Variants in RYR2 observed in about 807,000 individuals in gnomAD.
The protein encoded by RYR2 is cardiac muscle ryanodine receptor-calcium release channel.
A neutral mutation model predicts 601.1 loss-of-function variants in RYR2; 227 were observed. The observed-to-expected ratio is 0.38, with a 90% confidence interval of 0.34 to 0.42. RYR2 has a LOEUF of 0.42. RYR2 is among the 10% of genes least tolerant of loss of function. RYR2 has a pLI of 1.00. For synonymous variants in RYR2, 2,223 were observed against 2,175.1 expected (o/e 1.02, Z -0.61); for missense variants, 4,646 against 6,156.5 (o/e 0.75, Z 8.21).
rs187871385 is a variant in RYR2, at chr1:237,393,250, A to C, written c.773+5067A>C. Among the ~76,000 whole-genome samples, 378 of 152,274 alleles carry C rather than the reference A, an allele frequency of 2.5e-3. 4 individuals are homozygous for C. Among genetic ancestry groups the C allele is most frequent in the African/African-American group, 8.6e-3 (359 of 41,544 alleles). On this transcript the variant is annotated intron_variant, in intron 10 of 104. Coordinates refer to ENST00000366574, the MANE Select transcript of RYR2 (RefSeq NM_001035.3). ...CAGGCCAATTAAGTCATAGTTTCTG[A>C]CAGTATCTGGAAATAAATGCTACAT...
chr1:237,578,062 G>A (rs1179218189), intron 29 of RYR2, among the ~76,000 whole-genome samples: 1 of 152,090 alleles, frequency 6.6e-6, no homozygotes, highest in Non-Finnish European at 1.5e-5. Flanking sequence ...TGCCTGCTGT[G>A]GCCTCCCAAA....
At chr1:237,585,720 A>C (rs1342671181) in intron 29 of RYR2, among the ~76,000 whole-genome samples, 2 of 152,232 alleles carry the variant, frequency 1.3e-5, no homozygotes, top group East Asian at 3.8e-4. Context: ...GCTTCACTTA[A>C]AATGAGAAAA....
intron 1 of RYR2, among the ~76,000 whole-genome samples, chr1:237,248,692 T>C (rs1187042335): frequency 6.6e-6 from 1 of 151,022 alleles, no homozygotes; most frequent in Non-Finnish European, 1.5e-5. Flanking sequence ...TACTGAGAGG[T>C]TTTTTAAAGA....
intron 2 of RYR2, among the ~76,000 whole-genome samples, chr1:237,313,222 A>T (rs1250521747): frequency 6.7e-6 from 1 of 150,314 alleles, no homozygotes; most frequent in Non-Finnish European, 1.5e-5. Context: ...ATATTTGCTT[A>T]TGGAGTATGT....
At chr1:237,619,321 A>T (rs1036191527) in intron 38 of RYR2, among the ~76,000 whole-genome samples, 1 of 152,226 alleles carries the variant, frequency 6.6e-6, no homozygotes, top group African/African-American at 2.4e-5. Flanking sequence ...GCAGAGAAAC[A>T]AAATATATGG....
At position 237,139,899 on chromosome 1, in the gene RYR2, T is replaced by C. The variant is rs377510798; in HGVS notation, c.48+97330T>C. On this transcript the variant is annotated intron_variant, in intron 1 of 104. Coordinates refer to ENST00000366574, the MANE Select transcript of RYR2 (RefSeq NM_001035.3). Reference sequence around the variant, plus strand: ...GTCTGGCAGGCAGTGCTGTGTGACGTGCTAGCTCACAACGTGTGTGCAGAG... The same window carrying C: ...GTCTGGCAGGCAGTGCTGTGTGACGCGCTAGCTCACAACGTGTGTGCAGAG... 4.6e-5 allele frequency among the ~76,000 whole-genome samples: 7 copies of C among 152,366 alleles called. No homozygotes were observed. The South Asian group carries it at 6.2e-4, about 14-fold the overall frequency.
chr1:237,709,592 C>T, intron 70 of RYR2, 25 bp downstream of exon 70: 1 of 1,483,928 alleles, frequency 6.7e-7, no homozygotes, highest in South Asian at 1.2e-5. Flanking sequence ...ATTGATAGAT[C>T]ACGCCTACTG....
At chr1:237,264,091 G>GCA (rs34623856) in intron 1 of RYR2, among the ~76,000 whole-genome samples, 51,963 of 147,258 alleles carry the variant, frequency 0.35, 10,427 homozygotes, top group Admixed American at 0.46. Flanking sequence ...ACATGCACAT[G>GCA]CACACACACA....
At chr1:237,177,350 G>C (rs944206689) in intron 1 of RYR2, among the ~76,000 whole-genome samples, 19 of 152,096 alleles carry the variant, frequency 1.2e-4, no homozygotes, top group African/African-American at 3.6e-4. Context: ...AAATGTAAGA[G>C]CACACTTCCC....
chr1:237,367,583 T>C (rs943542643), intron 5 of RYR2, among the ~76,000 whole-genome samples: 1 of 133,780 alleles, frequency 7.5e-6, no homozygotes, highest in Non-Finnish European at 1.6e-5. Flanking sequence ...CTTTCTGTAC[T>C]TCTTAAGGCA....
chr1:237,164,520 G>A (rs1439340768), intron 1 of RYR2, among the ~76,000 whole-genome samples: 1 of 152,108 alleles, frequency 6.6e-6, no homozygotes, highest in South Asian at 2.1e-4. Context: ...GCAGAGACAG[G>A]CGACAAATAA....
chr1:237,376,927 C>CAA (rs1701083637), intron 7 of RYR2, among the ~76,000 whole-genome samples: 1 of 152,052 alleles, frequency 6.6e-6, no homozygotes, highest in African/African-American at 2.4e-5. Flanking sequence ...TGTCACGTCA[C>CAA]AAAACCCCAA....
At position 237,700,453 on chromosome 1, in the gene RYR2, G is replaced by C. The variant is rs1294136618; in HGVS notation, c.9353G>C (p.Gly3118Ala). The C allele has an allele frequency of 1.9e-6, 3 of 1,557,526 alleles. No individual in the cohort carries two copies. Among genetic ancestry groups the C allele is most frequent in the East Asian group, 4.5e-5 (2 of 44,494 alleles). Residue 3118 changes from glycine to alanine, a missense_variant, in exon 65 of 105, where the codon GGA becomes GCA. By Grantham distance (60) the Gly-to-Ala change is moderately conservative. Coordinates refer to ENST00000366574, the MANE Select transcript of RYR2 (RefSeq NM_001035.3). Reference sequence around the variant, plus strand: ...GAACATATTGGCCAGCATCAGTTCGGAGAAGACCTAATATGTATGTAAATT... The same window carrying C: ...GAACATATTGGCCAGCATCAGTTCGCAGAAGACCTAATATGTATGTAAATT... ...LFEHIGQHQFGEDLILEDVQV... is the reference protein window; with the variant it reads ...LFEHIGQHQFAEDLILEDVQV...
chr1:237,613,918 C>A, intron 36 of RYR2, 121 bp from the exon 37 acceptor site: 1 of 827,116 alleles, frequency 1.2e-6, no homozygotes, highest in Non-Finnish European at 1.9e-6. Context: ...GTTCAACCTG[C>A]AGTGTCTATT....
At chr1:237,281,034 C>T (rs1690807195) in intron 2 of RYR2, among the ~76,000 whole-genome samples, 2 of 152,294 alleles carry the variant, frequency 1.3e-5, no homozygotes, top group Non-Finnish European at 2.9e-5. Context: ...ATCCGCCTGC[C>T]TCAGCCTCCC....
At chr1:237,155,826 C>T (rs1675267913) in intron 1 of RYR2, among the ~76,000 whole-genome samples, 1 of 152,146 alleles carries the variant, frequency 6.6e-6, no homozygotes, top group Non-Finnish European at 1.5e-5. Context: ...TTACCATCAC[C>T]ATGGCATTGA....
At chr1:237,745,086 C>T (rs1410761752) in intron 80 of RYR2, among the ~76,000 whole-genome samples, 1 of 152,080 alleles carries the variant, frequency 6.6e-6, no homozygotes, top group African/African-American at 2.4e-5. Context: ...CAGTCCTGAG[C>T]CACCACGCCC....
intron 92 of RYR2, among the ~76,000 whole-genome samples, chr1:237,789,639 T>G (rs1658126597): frequency 8.5e-6 from 1 of 118,286 alleles, no homozygotes; most frequent in South Asian, 2.9e-4. Flanking sequence ...AGTGGGTTCC[T>G]GAAGAATGTG....
intron 8 of RYR2, among the ~76,000 whole-genome samples, chr1:237,384,571 T>G (rs1004222880): frequency 5.9e-5 from 9 of 152,256 alleles, no homozygotes; most frequent in African/African-American, 1.9e-4. Flanking sequence ...TCTGGTATGT[T>G]AAAAATAAAA....
Sources: gnomAD v4.1 joint callset for allele counts (sites outside exome capture counted in the v4.1 genomes callset) on GRCh38, gnomAD v4.1.1 for gene constraint, MANE v1.5 for transcripts, NCBI Gene and HGNC (gene_info 2026-07-23, HGNC 2026-07-21) for gene names.